The following ATP11B variants were observed in gnomAD, a reference collection of about 807,000 sequenced individuals.
ATP11B encodes the protein phospholipid-transporting ATPase IF.
Under a neutral mutation model 157.8 loss-of-function variants are expected in ATP11B, and 81 were observed. The ratio of observed to expected loss-of-function variants is 0.51; its 90% CI spans 0.43 to 0.62. The LOEUF is 0.62. Ranked by LOEUF, ATP11B falls within the 20% of genes least tolerant of loss-of-function variation. ATP11B has a pLI of 0.00. For synonymous variants in ATP11B, 451 were observed against 469.4 expected (o/e 0.96, Z 0.51); for missense variants, 1,165 against 1,402.2 (o/e 0.83, Z 2.70).
intron 2 of ATP11B, among the ~76,000 whole-genome samples, chr3:182,825,097 T>A (rs1717625132): frequency 6.6e-6 from 1 of 152,218 alleles, no homozygotes; most frequent in Non-Finnish European, 1.5e-5. Flanking sequence ...CCAGACTGCA[T>A]TGTTTTCTAT....
chr3:182,875,380 T>A (rs1218941225), intron 19 of ATP11B, among the ~76,000 whole-genome samples: 2 of 152,218 alleles, frequency 1.3e-5, no homozygotes, highest in Non-Finnish European at 2.9e-5. Flanking sequence ...TTAAAACCTA[T>A]TTAAGAGATA....
Position 182,865,626 on chromosome 3 carries a change from C to G in ATP11B, c.1371C>G (p.Ser457=), listed in dbSNP as rs1219668256. Residue 457 remains serine, a synonymous_variant, in exon 13 of 30, where the codon TCC becomes TCG. Coordinates refer to ENST00000323116, the MANE Select transcript of ATP11B (RefSeq NM_014616.3). The stretch of plus-strand genomic sequence containing the variant: ...ACTTATCTTATCTTAGTAGTTTATC[C>G]CATCTTAACAACTTATCCCATCTTA... ...EGNLSYLSSL[S]HLNNLSHLTT... 4 of 1,613,132 alleles carry G rather than the reference C, an allele frequency of 2.5e-6. No homozygotes were observed. The African/African-American group carries it at 5.3e-5, about 22-fold the overall frequency.
At position 182,838,800 on chromosome 3, in the gene ATP11B, T is replaced by TACAC. The variant is rs1553802111; in HGVS notation, c.656+1632_656+1635dup. Among the ~76,000 whole-genome samples the TACAC allele has an allele frequency of 6.4e-3, 970 of 150,848 alleles. 5 individuals are homozygous for TACAC. The highest frequency in any genetic ancestry group is 0.022 in the African/African-American group (886 of 41,134). On this transcript the variant is annotated intron_variant, in intron 7 of 29. Transcript: ENST00000323116. ...GTGCTATATATTATATATATATATA[T>TACAC]ACACACACATATATTACATGTGAAA...
intron 23 of ATP11B, 52 bp downstream of exon 23, chr3:182,886,062 T>C: frequency 8.2e-7 from 1 of 1,223,322 alleles, no homozygotes; most frequent in Non-Finnish European, 1.1e-6. Context: ...GAGTAACGTA[T>C]GTATGTTCAG....
At chr3:182,916,968 A>G (rs894613352) in intron 29 of ATP11B, 20 of 983,480 alleles carry the variant, frequency 2.0e-5, no homozygotes, top group Non-Finnish European at 2.4e-5. Flanking sequence ...CTGGGTGCCC[A>G]ATATATGTCA....
At chr3:182,891,992 G>A (rs13327212) in intron 25 of ATP11B, among the ~76,000 whole-genome samples, 5,296 of 152,204 alleles carry the variant, frequency 0.035, 315 homozygotes, top group African/African-American at 0.12. Context: ...TATTCACTAC[G>A]TCTTAGCAGT....
At chr3:182,832,245 G>A (rs1361103432) in intron 4 of ATP11B, among the ~76,000 whole-genome samples, 5 of 152,146 alleles carry the variant, frequency 3.3e-5, no homozygotes, top group Non-Finnish European at 7.4e-5. Context: ...TAGAACCTGT[G>A]TTAGTATGAT....
chr3:182,794,560 T>G (rs977808542), intron 1 of ATP11B, among the ~76,000 whole-genome samples: 4 of 152,180 alleles, frequency 2.6e-5, no homozygotes, highest in African/African-American at 9.7e-5. Flanking sequence ...TTGGAAGGAA[T>G]AGTTAACTCT....
intron 29 of ATP11B, chr3:182,916,508 G>A: frequency 2.0e-6 from 2 of 985,272 alleles, no homozygotes; most frequent in Non-Finnish European, 2.4e-6. Flanking sequence ...TTCAAAGAGA[G>A]CATCATGGTG....
rs1432162612 is a variant in ATP11B at position 182,808,769 on chromosome 3, A to G, written c.28-11491A>G. ...TAGAATGGTTTTTGATTAACAAAAA[A>G]GTTGCAAATATAGTGGAGAGGATTC... On this transcript the variant is annotated intron_variant, in intron 1 of 29. Transcript: ENST00000323116. Among the ~76,000 whole-genome samples, 4 of 152,322 alleles carry G rather than the reference A, an allele frequency of 2.6e-5. No individual in the cohort carries two copies. In the East Asian group the frequency reaches 7.7e-4, roughly 29 times the overall value.
At chr3:182,843,463 C>G (rs1719212724) in intron 8 of ATP11B, 1 of 152,150 alleles carries the variant, frequency 6.6e-6, no homozygotes, top group African/African-American at 2.4e-5. Flanking sequence ...AGTATAAGTG[C>G]TATGCTCTTC....
intron 25 of ATP11B, 66 bp downstream of exon 25, chr3:182,889,614 A>G (rs1560116688): frequency 1.5e-6 from 2 of 1,311,164 alleles, no homozygotes; most frequent in Non-Finnish European, 2.1e-6. Context: ...AGCTTTTGTC[A>G]TAAAGTAAAA....
intron 21 of ATP11B, 125 bp from the exon 22 acceptor site, chr3:182,884,628 G>A: frequency 1.2e-6 from 1 of 858,488 alleles, no homozygotes; most frequent in Non-Finnish European, 1.7e-6. Context: ...TCTGCTATCT[G>A]CTGTATATTA....
At chr3:182,838,886 T>C (rs936740637) in intron 7 of ATP11B, among the ~76,000 whole-genome samples, 2 of 152,068 alleles carry the variant, frequency 1.3e-5, no homozygotes, top group African/African-American at 4.8e-5. Flanking sequence ...TATGTAGATA[T>C]TTAAAATCTT....
intron 1 of ATP11B, among the ~76,000 whole-genome samples, chr3:182,813,433 T>G (rs1716786855): frequency 6.6e-6 from 1 of 152,218 alleles, no homozygotes; most frequent in African/African-American, 2.4e-5. Context: ...TGTAATAACT[T>G]TGTTAATGGA....
intron 1 of ATP11B, among the ~76,000 whole-genome samples, chr3:182,809,783 A>G (rs1716540403): frequency 6.6e-6 from 1 of 152,254 alleles, no homozygotes; most frequent in African/African-American, 2.4e-5. Flanking sequence ...TAAATCACTA[A>G]GATTTCATCA....
chr3:182,900,208 G>A (rs1396111737), intron 28 of ATP11B, among the ~76,000 whole-genome samples: 1 of 152,162 alleles, frequency 6.6e-6, no homozygotes, highest in Non-Finnish European at 1.5e-5. Context: ...GCATAGGCCT[G>A]TGAAGCCTGA....
intron 10 of ATP11B, among the ~76,000 whole-genome samples, chr3:182,857,563 TA>T (rs35003893): frequency 0.026 from 3,757 of 144,194 alleles, 145 homozygotes; most frequent in African/African-American, 0.095. Flanking sequence ...GCTGAAAATG[TA>T]AAAAAAAAAA....
rs534004658 is a variant in ATP11B at position 182,821,608 on chromosome 3, G to A, written c.144+1232G>A. 2.6e-5 allele frequency among the ~76,000 whole-genome samples: 4 copies of A among 152,142 alleles called. No individual in the cohort carries two copies. In the South Asian group the frequency reaches 8.3e-4, roughly 31 times the overall value. ...GACTGTAGAATAGTACTTTGCAGTA[G>A]ACTTTTCTGTCATGATGGAATTGTC... On this transcript the variant is annotated intron_variant, in intron 2 of 29. Coordinates refer to ENST00000323116, the MANE Select transcript of ATP11B (RefSeq NM_014616.3).
Sources: gnomAD v4.1 joint callset for allele counts (sites outside exome capture counted in the v4.1 genomes callset) on GRCh38, gnomAD v4.1.1 for gene constraint, MANE v1.5 for transcripts, NCBI Gene and HGNC (gene_info 2026-07-23, HGNC 2026-07-21) for gene names.